Variants in ZC4H2 observed in about 807,000 individuals in gnomAD.
ZC4H2 encodes zinc finger C4H2-type containing.
For synonymous variants in ZC4H2, 84 were observed against 66.3 expected, an observed-to-expected ratio of 1.27 and a Z score of -1.30; for missense variants, 137 against 173.9, an observed-to-expected ratio of 0.79 and a Z score of 1.19.
chrX:65,031,259 A>C lies in ZC4H2; in HGVS notation c.-272+3370T>G, dbSNP rs1274412092. Among the ~76,000 whole-genome samples the C allele has an allele frequency of 1.1e-4, 12 of 112,318 alleles. 1 individual carries two copies. In the Admixed American group the frequency reaches 1.1e-3, roughly 11 times the overall value. ...TTCCCAGCCCATAAATACAGATAAA[A>C]TATGCATAAGTCACACTTTTCTACT... On this transcript the variant is annotated intron_variant, in intron 1 of 4. Transcript: ENST00000337990.
chrX:65,018,368 G>A (rs1428656128), intron 1 of ZC4H2, among the ~76,000 whole-genome samples: 2 of 112,363 alleles, frequency 1.8e-5, no homozygotes, highest in Non-Finnish European at 3.8e-5. Context: ...AGTGGGTGCA[G>A]CCCATGGAGG....
At chrX:64,922,296 G>A (rs990753878) in intron 1 of ZC4H2, 18 of 232,465 alleles carry the variant, frequency 7.7e-5, no homozygotes, top group Non-Finnish European at 1.2e-4. Flanking sequence ...AAAAGAAAAA[G>A]AAAAAGAAAG....
intron 1 of ZC4H2, among the ~76,000 whole-genome samples, chrX:64,966,876 T>C (rs1008462389): frequency 8.9e-6 from 1 of 111,971 alleles, no homozygotes; most frequent in Non-Finnish European, 1.9e-5. Context: ...TGGTGATGAT[T>C]GTACAACTCT....
chrX:64,988,302 A>T (rs908755678), intron 1 of ZC4H2, among the ~76,000 whole-genome samples: 1 of 111,497 alleles, frequency 9.0e-6, no homozygotes, highest in Non-Finnish European at 1.9e-5. Flanking sequence ...ACCCTGAGGA[A>T]TCACCACACT....
chrX:64,967,375 C>G (rs1384350134), intron 1 of ZC4H2, among the ~76,000 whole-genome samples: 1 of 111,617 alleles, frequency 9.0e-6, no homozygotes, highest in Non-Finnish European at 1.9e-5. Flanking sequence ...ACCAAATTCC[C>G]TCTTTACAAA....
In ZC4H2 at chrX:64,966,830, C is replaced by T. The variant is rs1335402; in HGVS notation, c.53+9495G>A. Among the ~76,000 whole-genome samples the T allele has an allele frequency of 4.2e-3, 465 of 111,832 alleles. 2 individuals carry two copies. The highest frequency in any genetic ancestry group is 6.5e-3 in the Non-Finnish European group (345 of 53,101). On this transcript the variant is annotated intron_variant, in intron 1 of 4. Coordinates refer to ENST00000374839, the MANE Select transcript of ZC4H2 (RefSeq NM_018684.4). Reference sequence around the variant, plus strand: ...AGATCAACTGAAACTGAACAAAGAGCTAATTTTGGAATGATGGAAATTTTC... The same window carrying T: ...AGATCAACTGAAACTGAACAAAGAGTTAATTTTGGAATGATGGAAATTTTC...
At chrX:64,957,654 G>A (rs1311001345) in intron 1 of ZC4H2, among the ~76,000 whole-genome samples, 2 of 110,060 alleles carry the variant, frequency 1.8e-5, no homozygotes, top group Non-Finnish European at 3.8e-5. Context: ...GAGGCCAGGA[G>A]TTTGAGACCA....
At chrX:65,012,247 G>C (rs1040693346) in intron 1 of ZC4H2, among the ~76,000 whole-genome samples, 18 of 60,527 alleles carry the variant, frequency 3.0e-4, no homozygotes, top group Non-Finnish European at 5.1e-4. Context: ...AAAAAAAAAA[G>C]AAAGAAAGAA....
intron 1 of ZC4H2, among the ~76,000 whole-genome samples, chrX:64,991,016 A>G (rs1315691577): frequency 8.9e-6 from 1 of 112,108 alleles, no homozygotes; most frequent in African/African-American, 3.2e-5. Context: ...CCAGGCATTG[A>G]AAATCCTAGT....
At chrX:64,998,544 A>T (rs1200022668) in intron 1 of ZC4H2, among the ~76,000 whole-genome samples, 1 of 111,870 alleles carries the variant, frequency 8.9e-6, no homozygotes, top group Non-Finnish European at 1.9e-5. Context: ...GTGGCCTAAC[A>T]TATCATCTAT....
intron 1 of ZC4H2, among the ~76,000 whole-genome samples, chrX:64,937,327 C>A (rs1270039118): frequency 1.8e-5 from 2 of 111,033 alleles, no homozygotes; most frequent in African/African-American, 3.3e-5. Context: ...GACTCCCACA[C>A]AATAATAGTG....
At chrX:64,947,845 C>A (rs1230961061) in intron 1 of ZC4H2, among the ~76,000 whole-genome samples, 1 of 100,908 alleles carries the variant, frequency 9.9e-6, no homozygotes, top group Non-Finnish European at 2.0e-5. Context: ...TGTCACTTCT[C>A]TTTTTTTTTT....
chrX:64,969,202 T>A (rs7059867), intron 1 of ZC4H2, among the ~76,000 whole-genome samples: 26,253 of 111,472 alleles, frequency 0.24, 7,454 homozygotes, highest in African/African-American at 0.81. Context: ...CTCCAGACAG[T>A]CTCCTGAGCC....
intron 1 of ZC4H2, among the ~76,000 whole-genome samples, chrX:64,962,565 G>T (rs1316330590): frequency 9.0e-6 from 1 of 111,428 alleles, no homozygotes; most frequent in Non-Finnish European, 1.9e-5. Flanking sequence ...ACAAGAAAAT[G>T]AAATAAAAGT....
chrX:65,004,349 C>T (rs191361563), intron 1 of ZC4H2, among the ~76,000 whole-genome samples: 97 of 111,763 alleles, frequency 8.7e-4, no homozygotes, highest in African/African-American at 3.0e-3. Flanking sequence ...ACTGAAAAAC[C>T]GAATCCAGAA....
chrX:64,918,509 T>C (rs1032650868), intron 4 of ZC4H2: 1 of 113,928 alleles, frequency 8.8e-6, no homozygotes, highest in Admixed American at 9.1e-5. Flanking sequence ...ACCCAGGCTC[T>C]GTGATGTTAC....
chrX:64,986,942 T>TTA (rs2147270589), intron 1 of ZC4H2, among the ~76,000 whole-genome samples: 1 of 104,744 alleles, frequency 9.5e-6, no homozygotes, highest in African/African-American at 3.5e-5. Flanking sequence ...TTTTTTTTTT[T>TTA]TATGAGACGG....
At chrX:64,960,739 A>T (rs1414352091) in intron 1 of ZC4H2, among the ~76,000 whole-genome samples, 1 of 112,212 alleles carries the variant, frequency 8.9e-6, no homozygotes, top group African/African-American at 3.2e-5. Flanking sequence ...AAGCAGGAAA[A>T]ATATAACCCT....
At chrX:65,032,830 G>A (rs1415052813) in intron 1 of ZC4H2, among the ~76,000 whole-genome samples, 1 of 107,448 alleles carries the variant, frequency 9.3e-6, no homozygotes, top group African/African-American at 3.4e-5. Context: ...TAGATGGAGT[G>A]CAATGGTGCC....
Sources: gnomAD v4.1 joint callset for allele counts (sites outside exome capture counted in the v4.1 genomes callset) on GRCh38, gnomAD v4.1.1 for gene constraint, MANE v1.5 for transcripts, NCBI Gene and HGNC (gene_info 2026-07-23, HGNC 2026-07-21) for gene names.